The following CERS6 variants were observed in gnomAD, a reference collection of about 807,000 sequenced individuals.
CERS6 encodes LAG1 homolog, ceramide synthase 6.
In CERS6, 26 loss-of-function variants were observed where a neutral mutation model predicts 56.8. That is an observed-to-expected ratio of 0.46 (90% CI 0.34 to 0.63). The LOEUF is 0.63. Ranked by LOEUF, CERS6 falls within the 30% of genes least tolerant of loss-of-function variation. The pLI is 0.01. For missense variants in CERS6, 415 were observed against 467.5 expected, an observed-to-expected ratio of 0.89 and a Z score of 1.04; for synonymous variants, 164 against 173.3, an observed-to-expected ratio of 0.95 and a Z score of 0.42.
chr2:168,693,322 CA>C (rs982578386), intron 5 of CERS6, among the ~76,000 whole-genome samples: 2 of 152,070 alleles, frequency 1.3e-5, no homozygotes, highest in African/African-American at 4.8e-5. Flanking sequence ...TGTGAGTGAG[CA>C]TTGTCAACTG....
At chr2:168,764,137 C>G (rs868351683) in intron 8 of CERS6, among the ~76,000 whole-genome samples, 1 of 152,196 alleles carries the variant, frequency 6.6e-6, no homozygotes, top group Middle Eastern at 3.4e-3. Flanking sequence ...TCATTGTTCT[C>G]TATTTTTTTT....
chr2:168,574,379 T>TGTGTGTGTG (rs1400533683), intron 3 of CERS6, among the ~76,000 whole-genome samples: 4 of 6,350 alleles, frequency 6.3e-4, no homozygotes, highest in African/African-American at 9.7e-4. Flanking sequence ...TTTGTGTGTG[T>TGTGTGTGTG]GTGTGTGTGT....
chr2:168,599,697 G>A (rs1349282707), intron 3 of CERS6, among the ~76,000 whole-genome samples: 1 of 152,138 alleles, frequency 6.6e-6, no homozygotes, highest in African/African-American at 2.4e-5. Context: ...TATGCTTGAG[G>A]TTATATATAT....
At chr2:168,668,779 G>C (rs1289518941) in intron 4 of CERS6, among the ~76,000 whole-genome samples, 1 of 152,120 alleles carries the variant, frequency 6.6e-6, no homozygotes, top group Non-Finnish European at 1.5e-5. Flanking sequence ...TATCAATTTA[G>C]AAGTATTAAA....
intron 2 of CERS6, among the ~76,000 whole-genome samples, chr2:168,552,339 A>G (rs951487419): frequency 7.9e-6 from 1 of 126,780 alleles, no homozygotes; most frequent in African/African-American, 3.0e-5. Flanking sequence ...CCCACCCTAC[A>G]TACAGAGTAT....
At chr2:168,545,454 GAGA>G (rs1695448888) in intron 1 of CERS6, among the ~76,000 whole-genome samples, 3 of 151,948 alleles carry the variant, frequency 2.0e-5, no homozygotes, top group Non-Finnish European at 2.9e-5. Flanking sequence ...AGCTTAAAAA[GAGA>G]AGGAGAGATG....
intron 4 of CERS6, among the ~76,000 whole-genome samples, chr2:168,640,619 G>T (rs4668082): frequency 0.93 from 140,980 of 152,274 alleles, 65,732 homozygotes; most frequent in Non-Finnish European, 0.99. Context: ...ATTAAGCATC[G>T]ATGCACAAGA....
At chr2:168,601,395 A>T (rs1683929291) in intron 3 of CERS6, among the ~76,000 whole-genome samples, 1 of 152,204 alleles carries the variant, frequency 6.6e-6, no homozygotes, top group Non-Finnish European at 1.5e-5. Context: ...TTGCATGCTC[A>T]TCTGCTGGTT....
intron 8 of CERS6, among the ~76,000 whole-genome samples, chr2:168,728,470 A>G (rs1232747652): frequency 2.1e-5 from 3 of 146,270 alleles, no homozygotes; most frequent in Non-Finnish European, 4.5e-5. Context: ...GCTCACTGCA[A>G]CCTCTGCCTC....
intron 1 of CERS6, among the ~76,000 whole-genome samples, chr2:168,469,018 G>A (rs547268717): frequency 6.6e-6 from 1 of 152,288 alleles, no homozygotes; most frequent in East Asian, 1.9e-4. Flanking sequence ...AGAATTTTAA[G>A]CCTAGTGGAT....
At chr2:168,752,318 T>TGTGTGTGTGC (rs376129396) in intron 8 of CERS6, among the ~76,000 whole-genome samples, 2 of 139,350 alleles carry the variant, frequency 1.4e-5, no homozygotes, top group Non-Finnish European at 3.0e-5. Flanking sequence ...TGTGTGTGTG[T>TGTGTGTGTGC]ATAGAGAGAG....
chr2:168,768,253 G>A (rs1574232618), intron 9 of CERS6, among the ~76,000 whole-genome samples: 1 of 149,876 alleles, frequency 6.7e-6, no homozygotes, highest in East Asian at 2.0e-4. Context: ...TTTTTTTTAA[G>A]ACAGTTTCAC....
chr2:168,711,193 T>C (rs891003012), intron 6 of CERS6, among the ~76,000 whole-genome samples: 1 of 152,210 alleles, frequency 6.6e-6, no homozygotes, highest in African/African-American at 2.4e-5. Context: ...CACTAAGCTG[T>C]AGACAGAATC....
intron 4 of CERS6, among the ~76,000 whole-genome samples, chr2:168,687,572 C>G (rs1488804234): frequency 6.6e-6 from 1 of 152,130 alleles, no homozygotes; most frequent in African/African-American, 2.4e-5. Context: ...GTGACATTAT[C>G]TTGATTGCTT....
intron 3 of CERS6, among the ~76,000 whole-genome samples, chr2:168,567,637 T>G (rs1204299800): frequency 6.6e-6 from 1 of 152,282 alleles, no homozygotes; most frequent in Non-Finnish European, 1.5e-5. Flanking sequence ...AGCCATAGTT[T>G]GCAGAACCCT....
At chr2:168,618,909 C>T (rs1458342548) in intron 3 of CERS6, among the ~76,000 whole-genome samples, 1 of 152,102 alleles carries the variant, frequency 6.6e-6, no homozygotes, top group African/African-American at 2.4e-5. Context: ...CAAAAAAGAG[C>T]CTACATAGCC....
At chr2:168,695,386 C>T (rs554743860) in intron 6 of CERS6, among the ~76,000 whole-genome samples, 43 of 152,222 alleles carry the variant, frequency 2.8e-4, no homozygotes, top group Non-Finnish European at 5.6e-4. Flanking sequence ...TTTGTAGCTC[C>T]TGGGAGAGAG....
At chr2:168,656,225 T>C (rs887033566) in intron 4 of CERS6, among the ~76,000 whole-genome samples, 2 of 152,242 alleles carry the variant, frequency 1.3e-5, no homozygotes, top group Admixed American at 6.5e-5. Flanking sequence ...AATGTGTTAC[T>C]ATCTAGAAGG....
At chr2:168,494,498 A>G (rs944154190) in intron 1 of CERS6, among the ~76,000 whole-genome samples, 2 of 152,170 alleles carry the variant, frequency 1.3e-5, no homozygotes, top group African/African-American at 4.8e-5. Flanking sequence ...CATATATCTA[A>G]CACTGTAAAT....
Sources: allele counts gnomAD v4.1 joint callset (sites outside exome capture counted in the v4.1 genomes callset), GRCh38; gene constraint gnomAD v4.1.1; transcripts MANE v1.5; gene names NCBI Gene and HGNC (gene_info 2026-07-23, HGNC 2026-07-21).